The following CDC42 variants were observed in gnomAD, a reference collection of about 807,000 sequenced individuals.
The protein encoded by CDC42 is cell division cycle 42.
Under a neutral mutation model 20.8 loss-of-function variants are expected in CDC42, and 1 was observed. The ratio of observed to expected loss-of-function variants is 0.05; its 90% confidence interval spans 0.02 to 0.23. The LOEUF (loss-of-function observed/expected upper bound fraction) is 0.23, where lower values mean the gene tolerates loss of function less well. CDC42 is among the 10% of genes least tolerant of loss of function. The pLI, the probability that CDC42 is intolerant of heterozygous loss-of-function variation, is 1.00. For missense variants in CDC42, 49 were observed against 227.9 expected (o/e 0.21, Z 5.05); for synonymous variants, 72 against 84.8 (o/e 0.85, Z 0.83).
chr1:22,066,023 G>A (rs1645419197), intron 1 of CDC42, among the ~76,000 whole-genome samples: 1 of 152,206 alleles, frequency 6.6e-6, no homozygotes, highest in African/African-American at 2.4e-5. Context: ...GCCTCCCAAA[G>A]TGTTGGGATT....
At chr1:22,064,857 A>G (rs1645404220) in intron 1 of CDC42, among the ~76,000 whole-genome samples, 1 of 152,084 alleles carries the variant, frequency 6.6e-6, no homozygotes, top group African/African-American at 2.4e-5. Context: ...TCATATTTTT[A>G]GTAGAGACAG....
intron 3 of CDC42, among the ~76,000 whole-genome samples, chr1:22,085,244 A>AGAAAG (rs1553195979): frequency 7.4e-6 from 1 of 135,956 alleles, no homozygotes. Flanking sequence ...AAAAAAAAAA[A>AGAAAG]AAAAGAAAAA....
Position 22,081,817 on chromosome 1 carries a change from A to G in CDC42, c.178+23A>G, listed in dbSNP as rs753546831. 17 of 1,475,264 alleles carry G rather than the reference A, an allele frequency of 1.2e-5. No individual in the cohort carries two copies. The East Asian group carries it at 2.5e-4, about 22-fold the overall frequency. The allele number at this position is 1,475,264 out of a possible 1,614,324, so 91.4% of individuals were successfully genotyped here. A position where few individuals can be genotyped will look rare whatever the true frequency, so the allele number is the denominator to read the frequency against. On this transcript the variant is annotated intron_variant, in intron 3 of 5. Coordinates refer to ENST00000656825, the MANE Select transcript of CDC42 (RefSeq NM_001791.4). ...CAGGTGAAAACTTAATGTCTTTTATACTGTTTTGATCTTTAACAGTTGCTA... is the reference window on the plus strand; with the variant it reads ...CAGGTGAAAACTTAATGTCTTTTATGCTGTTTTGATCTTTAACAGTTGCTA...
intron 1 of CDC42, among the ~76,000 whole-genome samples, chr1:22,058,393 A>G (rs200591008): frequency 1.2e-4 from 19 of 152,314 alleles, no homozygotes; most frequent in African/African-American, 4.3e-4. Flanking sequence ...AATCTGAAGC[A>G]TATTTAGTTT....
At chr1:22,069,928 C>G (rs1645466953) in intron 1 of CDC42, among the ~76,000 whole-genome samples, 1 of 152,138 alleles carries the variant, frequency 6.6e-6, no homozygotes, top group African/African-American at 2.4e-5. Flanking sequence ...GCTGGGACCA[C>G]AGGCGCATGC....
chr1:22,068,420 C>T (rs1289958619), intron 1 of CDC42: 1 of 153,336 alleles, frequency 6.5e-6, no homozygotes, highest in East Asian at 1.9e-4. Context: ...TTGGCTTGAT[C>T]TCCCTTTTTG....
At chr1:22,074,975 C>G (rs1358341927) in intron 1 of CDC42, among the ~76,000 whole-genome samples, 1 of 152,176 alleles carries the variant, frequency 6.6e-6, no homozygotes, top group Non-Finnish European at 1.5e-5. Context: ...CAGGTTACTT[C>G]AGGCTGCTTT....
chr1:22,056,556 C>A (rs1430812260), intron 1 of CDC42, among the ~76,000 whole-genome samples: 1 of 152,166 alleles, frequency 6.6e-6, no homozygotes, highest in African/African-American at 2.4e-5. Context: ...CTAGTTTCTA[C>A]TTTTAGTTTC....
chr1:22,088,412 A>G (rs1195147846), intron 5 of CDC42, among the ~76,000 whole-genome samples: 2 of 152,218 alleles, frequency 1.3e-5, no homozygotes, highest in Non-Finnish European at 2.9e-5. Context: ...TATATAGTAA[A>G]TCCGTTTGTA....
chr1:22,069,613 CTTTTTTTTTTT>C (rs56218067), intron 1 of CDC42, among the ~76,000 whole-genome samples: 1 of 109,766 alleles, frequency 9.1e-6, no homozygotes, highest in Admixed American at 1.0e-4. Context: ...CATGCCACCA[CTTTTTTTTTTT>C]TTTTTTTTTT....
Position 22,091,483 on chromosome 1 carries a change from A to G in CDC42, c.542A>G (p.Glu181Gly), listed in dbSNP as rs767533290. 1 of 1,613,756 alleles carries G rather than the reference A, an allele frequency of 6.2e-7. No homozygotes were observed. The highest frequency in any genetic ancestry group is 8.5e-7 in the Non-Finnish European group (1 of 1,179,702). ...ATATTGGCTGCCCTGGAGCCTCCAG[A>G]ACCGAAGAAGAGCCGCAGGTGTGTG... ...EAILAALEPPEPKKSRRCVLL is the reference protein window; with the variant it reads ...EAILAALEPPGPKKSRRCVLL Residue 181 changes from glutamate to glycine, a missense_variant, in exon 6 of 6, where the codon GAA (glutamate) becomes GGA (glycine). Transcript: ENST00000656825.
At chr1:22,059,364 A>T (rs1645338114) in intron 1 of CDC42, 1 of 152,216 alleles carries the variant, frequency 6.6e-6, no homozygotes, top group Non-Finnish European at 1.5e-5. Context: ...TGGTCTAAGC[A>T]TATGATTAGG....
rs1240342804 is a variant in CDC42, at chr1:22,092,468, C to T, written c.*951C>T. 1.3e-5 allele frequency: 2 copies of T among 152,376 alleles called. No individual in the cohort carries two copies. Among genetic ancestry groups the T allele is most frequent in the African/African-American group, 4.8e-5 (2 of 41,364 alleles). The allele number at this position is 152,376 out of a possible 1,614,324, so 9.4% of individuals were successfully genotyped here. On this transcript the variant is annotated 3_prime_UTR_variant, in exon 6 of 6. Coordinates refer to ENST00000656825, the MANE Select transcript of CDC42 (RefSeq NM_001791.4). ...TTGCAGCTCAGTAGTATATGGTGTT[C>T]CTAGAATGCAGCTGAAGACCTGTTA...
At chr1:22,073,626 A>G (rs1257987387) in intron 1 of CDC42, among the ~76,000 whole-genome samples, 1 of 152,108 alleles carries the variant, frequency 6.6e-6, no homozygotes, top group African/African-American at 2.4e-5. Flanking sequence ...GATATACCTT[A>G]TTTCACAATT....
At chr1:22,053,480 C>G (rs1337900441) in intron 1 of CDC42, 1 of 152,238 alleles carries the variant, frequency 6.6e-6, no homozygotes, top group African/African-American at 2.4e-5. Context: ...CGCTCCCTGC[C>G]GGTTTAGCTG....
chr1:22,097,007 A>T lies in CDC42; in HGVS notation c.*5490A>T, dbSNP rs944608843. Among the ~76,000 whole-genome samples, 1 of 152,226 alleles carries T rather than the reference A, an allele frequency of 6.6e-6. No homozygotes were observed. The highest frequency in any genetic ancestry group is 2.4e-5 in the African/African-American group (1 of 41,460). On this transcript the variant is annotated 3_prime_UTR_variant, in exon 6 of 6. Coordinates refer to ENST00000656825, the MANE Select transcript of CDC42 (RefSeq NM_001791.4). ...ATAGTGGGATTGAAAATAGGCTAAG[A>T]TGGAGAACTGGGTGGGGAACAATTT...
rs749458285 is a variant in CDC42, at chr1:22,086,659, C to T, written c.289-10C>T. The T allele has an allele frequency of 1.2e-6, 2 of 1,612,796 alleles. No homozygotes were observed. The highest frequency in any genetic ancestry group is 1.7e-6 in the Non-Finnish European group (2 of 1,179,168). On this transcript the variant is annotated splice_polypyrimidine_tract_variant and intron_variant, in intron 4 of 5. Transcript: ENST00000656825. Reference sequence around the variant, plus strand: ...TTAACAAAGGTGTATTTTAAAATACCTTTTTTTAGTGGGTGCCTGAGATAA... The same window carrying T: ...TTAACAAAGGTGTATTTTAAAATACTTTTTTTTAGTGGGTGCCTGAGATAA...
chr1:22,084,676 G>A (rs1476501218), intron 3 of CDC42, among the ~76,000 whole-genome samples: 1 of 152,042 alleles, frequency 6.6e-6, no homozygotes, highest in African/African-American at 2.4e-5. Context: ...GCTTCATGAA[G>A]TTTGTCTATT....
chr1:22,052,969 G>T (rs1049622846), intron 1 of CDC42: 1 of 151,858 alleles, frequency 6.6e-6, no homozygotes, highest in African/African-American at 2.4e-5. Context: ...GGAGGCAGGG[G>T]GCGCCCGTCT....
Sources: gnomAD v4.1 joint callset for allele counts (sites outside exome capture counted in the v4.1 genomes callset) on GRCh38, gnomAD v4.1.1 for gene constraint, MANE v1.5 for transcripts, NCBI Gene and HGNC (gene_info 2026-07-23, HGNC 2026-07-21) for gene names.